ZFPM2: variants seen among roughly 807,000 people sequenced by gnomAD.
ZFPM2 encodes the protein zinc finger protein, FOG family member 2.
A neutral mutation model predicts 98.6 loss-of-function variants in ZFPM2; 20 were observed. That is an observed-to-expected ratio of 0.20 (90% confidence interval 0.14 to 0.29). The LOEUF is 0.29. Ranked by LOEUF, ZFPM2 falls within the 10% of genes least tolerant of loss-of-function variation. ZFPM2 has a pLI of 1.00. For synonymous variants in ZFPM2, 518 were observed against 502.7 expected (o/e 1.03, Z -0.41); for missense variants, 1,310 against 1,388.6 (o/e 0.94, Z 0.90).
At chr8:105,495,308 C>T (rs1013548579) in intron 3 of ZFPM2, among the ~76,000 whole-genome samples, 1 of 152,136 alleles carries the variant, frequency 6.6e-6, no homozygotes, top group African/African-American at 2.4e-5. Flanking sequence ...CATTTGTTCC[C>T]TGGGTGCAGC....
chr8:105,623,293 C>G (rs1404253704), intron 4 of ZFPM2, among the ~76,000 whole-genome samples: 2 of 152,068 alleles, frequency 1.3e-5, no homozygotes, highest in Non-Finnish European at 2.9e-5. Context: ...CACTTTTTCC[C>G]TTTGGAGGGG....
chr8:105,722,843 C>T (rs1457912338), intron 5 of ZFPM2, among the ~76,000 whole-genome samples: 1 of 151,844 alleles, frequency 6.6e-6, no homozygotes, highest in African/African-American at 2.4e-5. Flanking sequence ...TTCGGTCTGA[C>T]TCTGCTCTCT....
At chr8:105,527,182 G>A (rs1278566588) in intron 3 of ZFPM2, among the ~76,000 whole-genome samples, 1 of 152,102 alleles carries the variant, frequency 6.6e-6, no homozygotes, top group Non-Finnish European at 1.5e-5. Flanking sequence ...TCTTAGGGAC[G>A]AGGTATGATG....
rs541489127 is a variant in ZFPM2 at position 105,333,497 on chromosome 8, GTA to G, written c.40+14517_40+14518del. ...AAATGTTCACTAGCAAGAAGGCAAAGTAATTGTTACTGGGATTGCCAATTGTT... is the reference window on the plus strand; with the variant it reads ...AAATGTTCACTAGCAAGAAGGCAAAGATTGTTACTGGGATTGCCAATTGTT... On this transcript the variant is annotated intron_variant, in intron 1 of 7. Coordinates refer to ENST00000407775, the MANE Select transcript of ZFPM2 (RefSeq NM_012082.4). Among the ~76,000 whole-genome samples the G allele has an allele frequency of 4.0e-3, 606 of 151,882 alleles. 3 individuals are homozygous for G. Among genetic ancestry groups the G allele is most frequent in the African/African-American group, 0.014 (574 of 41,506 alleles).
chr8:105,679,522 G>A (rs1483451062), intron 5 of ZFPM2, among the ~76,000 whole-genome samples: 1 of 152,082 alleles, frequency 6.6e-6, no homozygotes, highest in Non-Finnish European at 1.5e-5. Context: ...TCAAACTTGG[G>A]TAAATCATGG....
intron 2 of ZFPM2, among the ~76,000 whole-genome samples, chr8:105,441,206 C>T (rs908824414): frequency 5.3e-5 from 8 of 151,536 alleles, no homozygotes; most frequent in African/African-American, 1.9e-4. Flanking sequence ...CCCCTTGGAC[C>T]TTACCTTGCA....
chr8:105,455,769 A>G (rs1812577210), intron 3 of ZFPM2, among the ~76,000 whole-genome samples: 1 of 152,184 alleles, frequency 6.6e-6, no homozygotes, highest in African/African-American at 2.4e-5. Context: ...CTGAGGTAAG[A>G]AAGACTAAAG....
At position 105,608,904 on chromosome 8, in the gene ZFPM2, AT is replaced by A. The variant is rs1816249921; in HGVS notation, c.421-25341del. Among the ~76,000 whole-genome samples the A allele has an allele frequency of 3.3e-5, 5 of 152,214 alleles. 1 individual carries two copies. In the South Asian group the frequency reaches 1.0e-3, roughly 32 times the overall value. On this transcript the variant is annotated intron_variant, in intron 4 of 7. Transcript: ENST00000407775. ...ACATTAACTATTTTTTTAATTAGTCATAAAGTATTTATTGATGAACTATTTA... is the reference window on the plus strand; with the variant it reads ...ACATTAACTATTTTTTTAATTAGTCAAAAGTATTTATTGATGAACTATTTA...
intron 6 of ZFPM2, among the ~76,000 whole-genome samples, chr8:105,790,442 GATCTAT>G (rs1813571788): frequency 1.3e-5 from 2 of 152,260 alleles, no homozygotes; most frequent in African/African-American, 4.8e-5. Flanking sequence ...CTGTTCCATT[GATCTAT>G]ATCTATCTCT....
intron 1 of ZFPM2, among the ~76,000 whole-genome samples, chr8:105,359,785 A>G (rs948356991): frequency 2.6e-5 from 4 of 152,242 alleles, no homozygotes; most frequent in African/African-American, 7.2e-5. Flanking sequence ...ATCCATCATT[A>G]TAAAATGCAG....
At chr8:105,672,921 A>G (rs1291581250) in intron 5 of ZFPM2, among the ~76,000 whole-genome samples, 2 of 152,312 alleles carry the variant, frequency 1.3e-5, no homozygotes, top group East Asian at 1.9e-4. Context: ...AATCTGCTCT[A>G]TTGCAGCAAA....
chr8:105,581,127 T>G (rs1200557637), intron 4 of ZFPM2, among the ~76,000 whole-genome samples: 1 of 152,154 alleles, frequency 6.6e-6, no homozygotes, highest in Non-Finnish European at 1.5e-5. Flanking sequence ...TTTTATATAC[T>G]AGATTTCCAG....
chr8:105,456,796 C>T (rs996811312), intron 3 of ZFPM2, among the ~76,000 whole-genome samples: 5 of 152,126 alleles, frequency 3.3e-5, no homozygotes, highest in African/African-American at 9.7e-5. Context: ...CCTCAGCCTC[C>T]TGAATGGCGG....
intron 4 of ZFPM2, among the ~76,000 whole-genome samples, chr8:105,566,862 A>G (rs571650653): frequency 7.9e-5 from 12 of 152,292 alleles, no homozygotes; most frequent in African/African-American, 1.2e-4. Flanking sequence ...ATTCTGTTCA[A>G]TCAGAATAAA....
chr8:105,548,425 G>A (rs1385703415), intron 3 of ZFPM2, among the ~76,000 whole-genome samples: 3 of 151,736 alleles, frequency 2.0e-5, no homozygotes, highest in Admixed American at 1.3e-4. Context: ...AATATTGAAC[G>A]ACAGAAACTC....
chr8:105,432,434 A>G (rs960872077), intron 2 of ZFPM2, among the ~76,000 whole-genome samples: 12 of 152,220 alleles, frequency 7.9e-5, no homozygotes, highest in African/African-American at 2.7e-4. Context: ...CTCCAGCCTT[A>G]GCATTTTGAA....
intron 5 of ZFPM2, among the ~76,000 whole-genome samples, chr8:105,752,098 C>A (rs948862963): frequency 5.9e-5 from 9 of 151,828 alleles, no homozygotes; most frequent in African/African-American, 2.2e-4. Context: ...TTATTTTTTT[C>A]ATTTCAGTAG....
chr8:105,620,687 C>T (rs918528582), intron 4 of ZFPM2, among the ~76,000 whole-genome samples: 2 of 152,102 alleles, frequency 1.3e-5, no homozygotes, highest in African/African-American at 4.8e-5. Context: ...AGTCTTTAAT[C>T]CATCTTGAAT....
chr8:105,418,676 T>C, intron 1 of ZFPM2: 1 of 505,140 alleles, frequency 2.0e-6, no homozygotes, highest in Non-Finnish European at 3.9e-6. Context: ...TAAGATGGAT[T>C]TTTAAAAGTA....
Sources: allele counts gnomAD v4.1 joint callset (sites outside exome capture counted in the v4.1 genomes callset), GRCh38; gene constraint gnomAD v4.1.1; transcripts MANE v1.5; gene names NCBI Gene and HGNC (gene_info 2026-07-23, HGNC 2026-07-21).